The following STAT3 variants were observed in gnomAD, a reference collection of about 807,000 sequenced individuals.
The protein encoded by STAT3 is signal transducer and activator of transcription 3.
In STAT3, 7 loss-of-function variants were observed where a neutral mutation model predicts 114.3. The observed-to-expected ratio is 0.06, with a 90% confidence interval of 0.03 to 0.11. STAT3 has a LOEUF of 0.11. Among genes scored for constraint, STAT3 ranks in the 10% least tolerant of loss-of-function variants. The pLI, the probability that STAT3 is intolerant of heterozygous loss-of-function variation, is 1.00. For synonymous variants in STAT3, 331 were observed against 354.5 expected, an observed-to-expected ratio of 0.93 and a Z score of 0.74; for missense variants, 364 against 960.9, an observed-to-expected ratio of 0.38 and a Z score of 8.21.
intron 1 of STAT3, among the ~76,000 whole-genome samples, chr17:42,370,744 A>T (rs1420801815): frequency 6.7e-6 from 1 of 148,160 alleles, no homozygotes; most frequent in African/African-American, 2.5e-5. Flanking sequence ...CACCACCTAC[A>T]GGTGTGCACC....
At position 42,333,874 on chromosome 17, in the gene STAT3, C is replaced by A; in HGVS notation, c.956+17G>T. On this transcript the variant is annotated intron_variant, in intron 9 of 23. Coordinates refer to ENST00000264657, the MANE Select transcript of STAT3 (RefSeq NM_139276.3). The surrounding 1 kb of genome is among the most constrained non-coding windows in gnomAD (Gnocchi z 5.2). The stretch of plus-strand genomic sequence containing the variant: ...GTATTTTTTAGATGAGGGAAAGGGA[C>A]AAGGATGCTAAATTACCTTTTCATT... 6.2e-7 allele frequency: 1 copy of A among 1,614,158 alleles called. No homozygotes were observed. The highest frequency in any genetic ancestry group is 1.1e-5 in the South Asian group (1 of 91,082).
In STAT3 at chr17:42,360,059, CAAAAAAAAA is replaced by C. The variant is rs71157617; in HGVS notation, c.-23-11529_-23-11521del. 5.7e-4 allele frequency among the ~76,000 whole-genome samples: 27 copies of C among 47,486 alleles called. No homozygotes were observed. In the South Asian group the frequency reaches 0.02, roughly 34 times the overall value. 31.2% of individuals were successfully genotyped at this position (47,486 alleles called of 152,430 possible). On this transcript the variant is annotated intron_variant, in intron 1 of 23. Transcript: ENST00000264657. ...TGGGCGGCAGAGCAAGACTCCGTCTCAAAAAAAAAAAAAAAAAAAAAAGATTTTTAAGTG... is the reference window on the plus strand; with the variant it reads ...TGGGCGGCAGAGCAAGACTCCGTCTCAAAAAAAAAAAAAGATTTTTAAGTG...
intron 1 of STAT3, among the ~76,000 whole-genome samples, chr17:42,348,950 C>CA (rs2082817636): frequency 1.3e-5 from 2 of 152,080 alleles, no homozygotes; most frequent in East Asian, 1.9e-4. Context: ...AGTGCAATGG[C>CA]ATGATCATGG....
At chr17:42,388,102 C>T (rs1011910761) in intron 1 of STAT3, 177 bp downstream of exon 1, 8 of 777,552 alleles carry the variant, frequency 1.0e-5, no homozygotes, top group African/African-American at 1.8e-5. Flanking sequence ...CCTTCCGAGG[C>T]CCGCTCCTGT....
chr17:42,381,323 T>C (rs1251864356), intron 1 of STAT3, among the ~76,000 whole-genome samples: 2 of 152,210 alleles, frequency 1.3e-5, no homozygotes, highest in Non-Finnish European at 2.9e-5. Flanking sequence ...AGCAAGGTCA[T>C]TTATTCTTAT....
At chr17:42,322,216 C>G (rs1421689333) in intron 21 of STAT3, 66 bp downstream of exon 21, 2 of 1,527,136 alleles carry the variant, frequency 1.3e-6, no homozygotes, top group Non-Finnish European at 1.8e-6. Flanking sequence ...TATCTATCCT[C>G]CAAGGATCCC....
At chr17:42,331,420 C>G in intron 11 of STAT3, 52 bp downstream of exon 11, 1 of 1,479,030 alleles carries the variant, frequency 6.8e-7, no homozygotes, top group South Asian at 1.2e-5. Flanking sequence ...TGTCAAAGTT[C>G]TCATTTTTCT....
At chr17:42,346,547 TG>T (rs1298299383) in intron 3 of STAT3, 21 bp downstream of exon 3, 6 of 1,613,966 alleles carry the variant, frequency 3.7e-6, no homozygotes, top group Non-Finnish European at 5.1e-6. Flanking sequence ...TGTTTCTCCT[TG>T]TCCTCAGTTT....
chr17:42,381,130 CA>C (rs967949222), intron 1 of STAT3, among the ~76,000 whole-genome samples: 2 of 152,082 alleles, frequency 1.3e-5, no homozygotes, highest in Admixed American at 6.6e-5. Flanking sequence ...GATTAAAGCC[CA>C]ATAGGTCTGA....
chr17:42,343,226 T>C (rs1268855740), intron 4 of STAT3, among the ~76,000 whole-genome samples: 3 of 150,662 alleles, frequency 2.0e-5, no homozygotes, highest in Non-Finnish European at 4.4e-5. Context: ...TAATGTTATG[T>C]GTATTTCACC....
At chr17:42,385,433 C>T (rs868693554) in intron 1 of STAT3, among the ~76,000 whole-genome samples, 1 of 150,306 alleles carries the variant, frequency 6.7e-6, no homozygotes, top group African/African-American at 2.5e-5. Flanking sequence ...CACTTGAACC[C>T]GGGAGGAGGA....
At chr17:42,317,527 C>T (rs569953880) in intron 21 of STAT3, 9 of 489,246 alleles carry the variant, frequency 1.8e-5, no homozygotes, top group Non-Finnish European at 3.4e-5. Context: ...TCCCTTCTTT[C>T]CCTAGATTAT....
intron 1 of STAT3, among the ~76,000 whole-genome samples, chr17:42,382,807 G>C (rs1429762311): frequency 1.3e-5 from 2 of 149,546 alleles, no homozygotes; most frequent in Non-Finnish European, 3.0e-5. Flanking sequence ...CCACCACGCT[G>C]GGCTAATTTT....
At chr17:42,365,639 G>GTTTTTTTTTTTTTTTTTT (rs11440924) in intron 1 of STAT3, among the ~76,000 whole-genome samples, 1 of 139,054 alleles carries the variant, frequency 7.2e-6, no homozygotes, top group African/African-American at 2.7e-5. Context: ...TGCTGTTAAA[G>GTTTTTTTTTTTTTTTTTT]TTTTTTTTTT....
intron 1 of STAT3, among the ~76,000 whole-genome samples, chr17:42,354,353 A>G (rs2083122416): frequency 6.7e-6 from 1 of 149,972 alleles, no homozygotes; most frequent in Non-Finnish European, 1.5e-5. Context: ...TATTTTTAGT[A>G]GAGACGGGGT....
chr17:42,318,204 C>A (rs577682461), intron 21 of STAT3, among the ~76,000 whole-genome samples: 21 of 152,012 alleles, frequency 1.4e-4, no homozygotes, highest in South Asian at 2.1e-4. Flanking sequence ...CTCTCTACAA[C>A]CTCTGCCTCC....
intron 1 of STAT3, among the ~76,000 whole-genome samples, chr17:42,377,562 G>A (rs2084537567): frequency 6.6e-6 from 1 of 152,164 alleles, no homozygotes; most frequent in South Asian, 2.1e-4. Flanking sequence ...AGTAACTCAG[G>A]AGAGATAAAT....
intron 18 of STAT3, 40 bp from the exon 19 acceptor site, chr17:42,323,394 T>C (rs1235088027): frequency 1.2e-6 from 2 of 1,605,952 alleles, no homozygotes; most frequent in South Asian, 2.2e-5. Context: ...TCTACTGCCA[T>C]CCCAGCCCTT....
intron 1 of STAT3, among the ~76,000 whole-genome samples, chr17:42,362,542 T>C (rs1476600113): frequency 1.3e-5 from 2 of 152,194 alleles, no homozygotes; most frequent in Non-Finnish European, 2.9e-5. Flanking sequence ...AAAAACAAGA[T>C]TTGTTATCTT....
Sources: allele counts gnomAD v4.1 joint callset (sites outside exome capture counted in the v4.1 genomes callset), GRCh38; gene constraint gnomAD v4.1.1; non-coding constraint Gnocchi (gnomAD v3.1); transcripts MANE v1.5; gene names NCBI Gene and HGNC (gene_info 2026-07-23, HGNC 2026-07-21).